The following CCBE1 variants were observed in gnomAD, a reference collection of about 807,000 sequenced individuals.
The protein encoded by CCBE1 is collagen and calcium-binding EGF domain-containing protein 1.
CCBE1 carries 37 observed loss-of-function variants against 50.0 expected under a neutral mutation model. The observed-to-expected ratio is 0.74, with a 90% confidence interval of 0.57 to 0.97. The LOEUF (loss-of-function observed/expected upper bound fraction) is 0.97. Ranked by LOEUF, CCBE1 falls within the 50% of genes least tolerant of loss-of-function variation. CCBE1 has a pLI of 0.00. For synonymous variants in CCBE1, 234 were observed against 203.7 expected, an observed-to-expected ratio of 1.15 and a Z score of -1.27; for missense variants, 538 against 523.8, an observed-to-expected ratio of 1.03 and a Z score of -0.26.
chr18:59,543,951 C>T (rs1051097032), intron 2 of CCBE1, among the ~76,000 whole-genome samples: 1 of 151,812 alleles, frequency 6.6e-6, no homozygotes, highest in East Asian at 1.9e-4. Flanking sequence ...CACCACCTTT[C>T]ATGCAAAATG....
At chr18:59,500,464 C>T (rs1164425204) in intron 2 of CCBE1, among the ~76,000 whole-genome samples, 2 of 152,118 alleles carry the variant, frequency 1.3e-5, no homozygotes, top group East Asian at 1.9e-4. Flanking sequence ...GCCATGCTCT[C>T]CTGGGTATCT....
intron 2 of CCBE1, among the ~76,000 whole-genome samples, chr18:59,493,967 A>G (rs569091757): frequency 6.6e-6 from 1 of 152,274 alleles, no homozygotes; most frequent in African/African-American, 2.4e-5. Flanking sequence ...CCATCCATGT[A>G]AGATGTGACT....
intron 2 of CCBE1, among the ~76,000 whole-genome samples, chr18:59,558,145 G>A (rs1016351353): frequency 2.6e-5 from 4 of 152,214 alleles, no homozygotes; most frequent in Non-Finnish European, 5.9e-5. Context: ...GCTAGCTGAA[G>A]TAAAGCAAGA....
chr18:59,592,014 G>A (rs752812266), intron 2 of CCBE1, among the ~76,000 whole-genome samples: 10 of 152,200 alleles, frequency 6.6e-5, no homozygotes, highest in Non-Finnish European at 8.8e-5. Context: ...CATGTGACAC[G>A]TCCCAGTCAA....
At chr18:59,501,493 G>A (rs1190795805) in intron 2 of CCBE1, among the ~76,000 whole-genome samples, 1 of 152,142 alleles carries the variant, frequency 6.6e-6, no homozygotes, top group Admixed American at 6.5e-5. Flanking sequence ...GGAAGGGAAC[G>A]TCTTCAAGTC....
intron 2 of CCBE1, among the ~76,000 whole-genome samples, chr18:59,534,045 A>G (rs1915150893): frequency 6.6e-6 from 1 of 152,202 alleles, no homozygotes; most frequent in Non-Finnish European, 1.5e-5. Context: ...GAATCCCCAT[A>G]ACCACCCTGT....
At chr18:59,654,357 G>T (rs1168917477) in intron 2 of CCBE1, among the ~76,000 whole-genome samples, 1 of 152,378 alleles carries the variant, frequency 6.6e-6, no homozygotes, top group South Asian at 2.1e-4. Context: ...ACAGCCCAGA[G>T]AATCATGCCC....
chr18:59,609,327 G>T (rs1165061534), intron 2 of CCBE1, among the ~76,000 whole-genome samples: 1 of 152,140 alleles, frequency 6.6e-6, no homozygotes, highest in Non-Finnish European at 1.5e-5. Context: ...GTGGCTTATT[G>T]GACAGTTCCT....
chr18:59,454,329 C>T (rs1381979561), intron 6 of CCBE1, among the ~76,000 whole-genome samples: 1 of 152,170 alleles, frequency 6.6e-6, no homozygotes, highest in Non-Finnish European at 1.5e-5. Context: ...ACTGCAACCT[C>T]TGCCTCCCAG....
chr18:59,524,500 A>G (rs1357033004), intron 2 of CCBE1, among the ~76,000 whole-genome samples: 1 of 152,236 alleles, frequency 6.6e-6, no homozygotes, highest in African/African-American at 2.4e-5. Flanking sequence ...TAGAAACAAG[A>G]ATTTTTCAAA....
chr18:59,431,512 G>C lies in CCBE1; in HGVS notation c.*4396C>G, dbSNP rs940694626. 6.6e-6 allele frequency: 1 copy of C among 152,180 alleles called. No individual in the cohort carries two copies. The highest frequency in any genetic ancestry group is 2.1e-4 in the South Asian group (1 of 4,830). 9.4% of individuals were successfully genotyped at this position (152,180 alleles called of 1,614,324 possible). ...ACAGGCTGAGAAGTGGGGAGAGAGA[G>C]TGGGGAATGACACCCAAAATATGAT... On this transcript the variant is annotated 3_prime_UTR_variant, in exon 11 of 11. Coordinates refer to ENST00000439986, the MANE Select transcript of CCBE1 (RefSeq NM_133459.4).
chr18:59,519,347 G>A (rs1249531553), intron 2 of CCBE1, among the ~76,000 whole-genome samples: 2 of 152,104 alleles, frequency 1.3e-5, no homozygotes, highest in South Asian at 4.1e-4. Flanking sequence ...AAAAGAGGGG[G>A]GAGAAAATGT....
At chr18:59,649,763 G>T (rs2054103404) in intron 2 of CCBE1, among the ~76,000 whole-genome samples, 1 of 152,218 alleles carries the variant, frequency 6.6e-6, no homozygotes, top group Admixed American at 6.5e-5. Context: ...AAAAGTGGGG[G>T]TGGATGAATG....
At chr18:59,611,688 G>T (rs917722748) in intron 2 of CCBE1, among the ~76,000 whole-genome samples, 1 of 152,126 alleles carries the variant, frequency 6.6e-6, no homozygotes, top group Non-Finnish European at 1.5e-5. Context: ...TGAGGTTGCA[G>T]TGAACCAAGA....
In CCBE1 at chr18:59,438,117, C is replaced by T. The variant is rs1212390297; in HGVS notation, c.981G>A (p.Gly327=). The T allele has an allele frequency of 3.1e-6, 5 of 1,613,974 alleles. No individual in the cohort carries two copies. Among genetic ancestry groups the T allele is most frequent in the Non-Finnish European group, 3.4e-6 (4 of 1,180,022 alleles). The change falls in exon 10 of 11, where the codon GGG becomes GGA. Residue 327 remains glycine, a synonymous_variant. Coordinates refer to ENST00000439986, the MANE Select transcript of CCBE1 (RefSeq NM_133459.4). ...GACACAGAGTGCTACTTACTGGAGA[C>T]CCTCTGGGCCCAGGCGCTCCTCTCT... is the stretch of plus-strand genomic sequence containing the variant. The part of the protein sequence containing the change: ...KGERGAPGPR[G]SPGPPGSFDF...
At chr18:59,590,476 CA>C (rs1312730947) in intron 2 of CCBE1, among the ~76,000 whole-genome samples, 1 of 151,756 alleles carries the variant, frequency 6.6e-6, no homozygotes, top group Non-Finnish European at 1.5e-5. Context: ...TTACAAACTC[CA>C]AAAATATCAA....
chr18:59,598,277 A>T (rs1261489708), intron 2 of CCBE1, among the ~76,000 whole-genome samples: 1 of 152,148 alleles, frequency 6.6e-6, no homozygotes, highest in East Asian at 1.9e-4. Context: ...TCACCCCAGA[A>T]TCACCCCACC....
intron 2 of CCBE1, among the ~76,000 whole-genome samples, chr18:59,681,100 A>G (rs1192964339): frequency 6.6e-6 from 1 of 152,080 alleles, no homozygotes; most frequent in Non-Finnish European, 1.5e-5. Flanking sequence ...AAACATATAT[A>G]GCTAAGTTGC....
At chr18:59,492,573 G>A (rs1020460761) in intron 2 of CCBE1, among the ~76,000 whole-genome samples, 16 of 152,156 alleles carry the variant, frequency 1.1e-4, no homozygotes, top group Non-Finnish European at 1.6e-4. Flanking sequence ...ATGTGATTGC[G>A]GAGGTGATGA....
Sources: allele counts gnomAD v4.1 joint callset (sites outside exome capture counted in the v4.1 genomes callset), GRCh38; gene constraint gnomAD v4.1.1; transcripts MANE v1.5; gene names NCBI Gene and HGNC (gene_info 2026-07-23, HGNC 2026-07-21).